UBE2K: variants seen among roughly 807,000 people sequenced by gnomAD.
UBE2K encodes the protein ubiquitin-conjugating enzyme E2 K.
A neutral mutation model predicts 30.0 loss-of-function variants in UBE2K; 6 were observed. The ratio of observed to expected loss-of-function variants is 0.20; its 90% CI spans 0.11 to 0.39. The LOEUF is 0.39. Among genes scored for constraint, UBE2K ranks in the 10% least tolerant of loss-of-function variants. The pLI, the probability that UBE2K is intolerant of heterozygous loss-of-function variation, is 1.00. For synonymous variants in UBE2K, 86 were observed against 83.7 expected, an observed-to-expected ratio of 1.03 and a Z score of -0.15; for missense variants, 61 against 241.6, an observed-to-expected ratio of 0.25 and a Z score of 4.96.
Position 39,777,696 on chromosome 4 carries a change from C to T in UBE2K, c.414C>T (p.Pro138=), listed in dbSNP as rs142055377. The T allele has an allele frequency of 1.8e-5, 28 of 1,559,746 alleles. 1 individual carries two copies. In the South Asian group the frequency reaches 2.4e-4, roughly 13 times the overall value. The change falls in exon 6 of 7, where the codon CCC becomes CCT. Residue 138 remains proline, a synonymous_variant. Coordinates refer to ENST00000261427, the MANE Select transcript of UBE2K (RefSeq NM_005339.5). ...CCCCCATATAGTACAAACAAAATCCCGAAATGTTCAAACAGACAGCTCGAC... is the reference window on the plus strand; with the variant it reads ...CCCCCATATAGTACAAACAAAATCCTGAAATGTTCAAACAGACAGCTCGAC... The part of the protein sequence containing the change: ...AVVANQYKQN[P]EMFKQTARLW...
chr4:39,771,621 G>A (rs1226771831), intron 4 of UBE2K, among the ~76,000 whole-genome samples: 6 of 152,292 alleles, frequency 3.9e-5, no homozygotes, highest in African/African-American at 4.8e-5. Flanking sequence ...CCACGTGGGC[G>A]TAAAGGGGTA....
intron 1 of UBE2K, among the ~76,000 whole-genome samples, chr4:39,721,861 G>A (rs1003999745): frequency 6.6e-6 from 1 of 152,142 alleles, no homozygotes; most frequent in Admixed American, 6.6e-5. Flanking sequence ...GGCTGAGGCA[G>A]GAGGATAAGT....
chr4:39,745,066 G>T (rs1366460632), intron 2 of UBE2K, among the ~76,000 whole-genome samples: 2 of 151,872 alleles, frequency 1.3e-5, no homozygotes, highest in East Asian at 1.9e-4. Flanking sequence ...TTGCTATATT[G>T]AGCAGGCTCT....
At chr4:39,736,595 T>C (rs185421968) in intron 1 of UBE2K, among the ~76,000 whole-genome samples, 2 of 152,366 alleles carry the variant, frequency 1.3e-5, no homozygotes, top group African/African-American at 4.8e-5. Context: ...CGAATGTTAA[T>C]GTGAGTCCCA....
chr4:39,763,084 A>G (rs1023425654), intron 4 of UBE2K, among the ~76,000 whole-genome samples: 11 of 149,334 alleles, frequency 7.4e-5, no homozygotes, highest in African/African-American at 2.7e-4. Flanking sequence ...CTGGGATTAC[A>G]GGCACGTGCC....
At position 39,706,780 on chromosome 4, in the gene UBE2K, C is replaced by T. The variant is rs117861496; in HGVS notation, c.63+8390C>T. ...CAGTGAATACATTATTAACAGTTAC[C>T]GAACATGTTGACCACAGCCCCAAAA... On this transcript the variant is annotated intron_variant, in intron 1 of 6. Coordinates refer to ENST00000261427, the MANE Select transcript of UBE2K (RefSeq NM_005339.5). Among the ~76,000 whole-genome samples, 169 of 152,046 alleles carry T rather than the reference C, an allele frequency of 1.1e-3. 5 individuals carry two copies. In the East Asian group the frequency reaches 0.03, roughly 27 times the overall value.
intron 4 of UBE2K, chr4:39,771,389 C>T: frequency 6.2e-7 from 1 of 1,612,050 alleles, no homozygotes; most frequent in South Asian, 1.1e-5. Flanking sequence ...AGCGTAGCGG[C>T]CTAGTGGCCG....
intron 1 of UBE2K, among the ~76,000 whole-genome samples, chr4:39,732,574 C>T (rs1720131450): frequency 6.6e-6 from 1 of 150,770 alleles, no homozygotes; most frequent in Admixed American, 6.6e-5. Flanking sequence ...TTATCTCATT[C>T]AAATTAGCTT....
At chr4:39,705,848 C>A (rs1255644793) in intron 1 of UBE2K, among the ~76,000 whole-genome samples, 1 of 147,354 alleles carries the variant, frequency 6.8e-6, no homozygotes, top group Non-Finnish European at 1.5e-5. Context: ...CGCCACCACG[C>A]CCAGCTAATT....
Position 39,737,410 on chromosome 4 carries a change from T to C in UBE2K, c.64-10T>C. On this transcript the variant is annotated splice_polypyrimidine_tract_variant and intron_variant, in intron 1 of 6. Coordinates refer to ENST00000261427, the MANE Select transcript of UBE2K (RefSeq NM_005339.5). The stretch of plus-strand genomic sequence containing the variant: ...ACATAACTAACATTTATTTTCTGTT[T>C]ATTTTTAAGACGAGCAAAAATCAAA... 1 of 1,510,988 alleles carries C rather than the reference T, an allele frequency of 6.6e-7. No individual in the cohort carries two copies. The highest frequency in any genetic ancestry group is 8.9e-7 in the Non-Finnish European group (1 of 1,126,442). The allele number at this position is 1,510,988 out of a possible 1,614,324, so 93.6% of individuals were successfully genotyped here. A position where few individuals can be genotyped will look rare whatever the true frequency, so the allele number is the denominator to read the frequency against.
chr4:39,727,331 T>G (rs1028761432), intron 1 of UBE2K, among the ~76,000 whole-genome samples: 1 of 152,112 alleles, frequency 6.6e-6, no homozygotes, highest in Admixed American at 6.6e-5. Context: ...TTTGACTGTT[T>G]TTCTTTTCTC....
chr4:39,738,927 GGCCTCCCAAAGTGTTA>G (rs1287166247), intron 2 of UBE2K, among the ~76,000 whole-genome samples: 1 of 152,048 alleles, frequency 6.6e-6, no homozygotes, highest in African/African-American at 2.4e-5. Context: ...CGCCTGTCTT[GGCCTCCCAAAGTGTTA>G]GGATTACAGG....
At chr4:39,765,863 T>C (rs1712287098) in intron 4 of UBE2K, among the ~76,000 whole-genome samples, 1 of 151,992 alleles carries the variant, frequency 6.6e-6, no homozygotes, top group Non-Finnish European at 1.5e-5. Flanking sequence ...ACCCCAGCAC[T>C]TTGGGAGGCC....
chr4:39,721,165 G>A (rs1305664950), intron 1 of UBE2K, among the ~76,000 whole-genome samples: 1 of 152,028 alleles, frequency 6.6e-6, no homozygotes, highest in African/African-American at 2.4e-5. Context: ...ATCTTCTTTA[G>A]TTGAGCACAG....
At position 39,720,786 on chromosome 4, in the gene UBE2K, C is replaced by T. The variant is rs575620688; in HGVS notation, c.64-16634C>T. Among the ~76,000 whole-genome samples, 10 of 152,184 alleles carry T rather than the reference C, an allele frequency of 6.6e-5. No individual in the cohort carries two copies. In the South Asian group the frequency reaches 2.1e-3, roughly 32 times the overall value. ...AGAGACTAGGTCTCAGTTTGTTGCC[C>T]AGGCTGGAGTGCAGTGGTATGATCA... On this transcript the variant is annotated intron_variant, in intron 1 of 6. Transcript: ENST00000261427.
chr4:39,742,912 G>C (rs1720780528), intron 2 of UBE2K, among the ~76,000 whole-genome samples: 1 of 152,090 alleles, frequency 6.6e-6, no homozygotes, highest in Non-Finnish European at 1.5e-5. Context: ...TGGGCATTGT[G>C]GTGGGCACCT....
chr4:39,746,840 CAGT>C (rs1721011018), intron 3 of UBE2K, among the ~76,000 whole-genome samples: 1 of 152,238 alleles, frequency 6.6e-6, no homozygotes, highest in Non-Finnish European at 1.5e-5. Flanking sequence ...TCTCCTCTCT[CAGT>C]AGCATTTTAT....
At chr4:39,717,860 GGTGA>G (rs1719176090) in intron 1 of UBE2K, among the ~76,000 whole-genome samples, 1 of 147,308 alleles carries the variant, frequency 6.8e-6, no homozygotes. Flanking sequence ...AGACCTTCGC[GGTGA>G]GTGTTACAGC....
intron 4 of UBE2K, among the ~76,000 whole-genome samples, chr4:39,772,082 C>T (rs1246633567): frequency 6.6e-6 from 1 of 152,182 alleles, no homozygotes; most frequent in East Asian, 1.9e-4. Flanking sequence ...AGTGATCTGC[C>T]TGCCTCGGCC....
Sources: allele counts gnomAD v4.1 joint callset (sites outside exome capture counted in the v4.1 genomes callset), GRCh38; gene constraint gnomAD v4.1.1; transcripts MANE v1.5; gene names NCBI Gene and HGNC (gene_info 2026-07-23, HGNC 2026-07-21).